The following MGAT4C variants were observed in gnomAD, a reference collection of about 807,000 sequenced individuals.
MGAT4C encodes alpha-1,3-mannosyl-glycoprotein 4-beta-N-acetylglucosaminyltransferase C.
A neutral mutation model predicts 40.1 loss-of-function variants in MGAT4C; 19 were observed. That is an observed-to-expected ratio of 0.47 (90% CI 0.33 to 0.70). MGAT4C has a LOEUF of 0.70. Among genes scored for constraint, MGAT4C ranks in the 30% least tolerant of loss-of-function variants. The probability of loss-of-function intolerance (pLI) is 0.02; values close to 1 mark genes in which losing one functional copy is unlikely to be tolerated. For synonymous variants in MGAT4C, 181 were observed against 187.1 expected, an observed-to-expected ratio of 0.97 and a Z score of 0.27; for missense variants, 491 against 563.2, an observed-to-expected ratio of 0.87 and a Z score of 1.30.
chr12:86,458,934 AT>A (rs11326103), intron 2 of MGAT4C, among the ~76,000 whole-genome samples: 128,054 of 151,202 alleles, frequency 0.85, 54,360 homozygotes, highest in East Asian at 1. Flanking sequence ...CAGTGACTTT[AT>A]TTTTTTTTTA....
At chr12:86,051,866 T>C (rs1452233884) in intron 1 of MGAT4C, among the ~76,000 whole-genome samples, 1 of 151,536 alleles carries the variant, frequency 6.6e-6, no homozygotes, top group Non-Finnish European at 1.5e-5. Flanking sequence ...GTTAAAATGG[T>C]TAGTTTTTTG....
intron 2 of MGAT4C, among the ~76,000 whole-genome samples, chr12:86,625,450 G>T (rs1962773973): frequency 6.6e-6 from 1 of 152,068 alleles, no homozygotes; most frequent in African/African-American, 2.4e-5. Flanking sequence ...AAAAATGTTG[G>T]ATTTGAAAAG....
chr12:86,552,469 T>C (rs918569096), intron 2 of MGAT4C, among the ~76,000 whole-genome samples: 5 of 152,086 alleles, frequency 3.3e-5, no homozygotes, highest in African/African-American at 1.2e-4. Context: ...CATTGTAGAT[T>C]GACTACAGTT....
At chr12:86,308,513 G>C (rs766476645) in intron 4 of MGAT4C, among the ~76,000 whole-genome samples, 1 of 149,722 alleles carries the variant, frequency 6.7e-6, no homozygotes, top group Non-Finnish European at 1.5e-5. Context: ...CTTCTGCAAA[G>C]GAAAAAAAAA....
intron 1 of MGAT4C, among the ~76,000 whole-genome samples, chr12:86,833,725 G>A (rs982450986): frequency 3.9e-5 from 6 of 151,948 alleles, no homozygotes; most frequent in South Asian, 2.1e-4. Flanking sequence ...TTAGGGAGAC[G>A]CAATTCAAAC....
At chr12:86,446,031 T>C (rs1957327975) in intron 2 of MGAT4C, among the ~76,000 whole-genome samples, 1 of 152,144 alleles carries the variant, frequency 6.6e-6, no homozygotes. Context: ...AATTTCTGAA[T>C]ATGTGTTATG....
At chr12:86,291,072 T>C (rs1953499920) in intron 4 of MGAT4C, among the ~76,000 whole-genome samples, 1 of 152,146 alleles carries the variant, frequency 6.6e-6, no homozygotes, top group South Asian at 2.1e-4. Flanking sequence ...TTCTGCCCAC[T>C]CAAGCTTGAT....
At chr12:86,351,347 T>C (rs957840337) in intron 3 of MGAT4C, among the ~76,000 whole-genome samples, 1 of 152,048 alleles carries the variant, frequency 6.6e-6, no homozygotes, top group Non-Finnish European at 1.5e-5. Context: ...GAGATATACA[T>C]ATATTTTGTC....
rs180795714 is a variant in MGAT4C, at chr12:85,963,177, T to C, written c.*16112A>G. The C allele has an allele frequency of 4.6e-5, 7 of 152,106 alleles. No individual in the cohort carries two copies. Among genetic ancestry groups the C allele is most frequent in the Middle Eastern group, 3.4e-3 (1 of 292 alleles). The allele number at this position is 152,106 out of a possible 1,614,324, so 9.4% of individuals were successfully genotyped here. The stretch of plus-strand genomic sequence containing the variant: ...TGCTTTAAATGTTTTTTGGAGGCTA[T>C]TACAAAATCACATCCTAAAATTTTA... On this transcript the variant is annotated 3_prime_UTR_variant, in exon 5 of 5. Transcript: ENST00000611864.
chr12:86,229,076 G>A (rs1228047856), intron 1 of MGAT4C, among the ~76,000 whole-genome samples: 1 of 151,726 alleles, frequency 6.6e-6, no homozygotes, highest in African/African-American at 2.4e-5. Context: ...ATAAATTAAT[G>A]ATCAATCTGA....
rs1887711262 is a variant in MGAT4C, at chr12:86,004,844, C to T, written c.-6-15292G>A. Reference sequence around the variant, plus strand: ...AGTTATTTTTCAGTTGCCATGGGTTCTGGGTTGCAATTTATGTAAACTGCT... The same window carrying T: ...AGTTATTTTTCAGTTGCCATGGGTTTTGGGTTGCAATTTATGTAAACTGCT... On this transcript the variant is annotated intron_variant, in intron 2 of 4. Coordinates refer to ENST00000611864, the MANE Select transcript of MGAT4C (RefSeq NM_001351288.2). Among the ~76,000 whole-genome samples, 3 of 152,092 alleles carry T rather than the reference C, an allele frequency of 2.0e-5. No homozygotes were observed. The South Asian group carries it at 6.2e-4, about 31-fold the overall frequency.
At chr12:86,528,782 C>T (rs1430882665) in intron 2 of MGAT4C, among the ~76,000 whole-genome samples, 1 of 151,208 alleles carries the variant, frequency 6.6e-6, no homozygotes, top group East Asian at 1.9e-4. Flanking sequence ...ATTTATTTTC[C>T]TTTCACTCCT....
At chr12:86,563,768 C>G (rs1035488827) in intron 2 of MGAT4C, among the ~76,000 whole-genome samples, 6 of 152,110 alleles carry the variant, frequency 3.9e-5, no homozygotes, top group Non-Finnish European at 5.9e-5. Context: ...TTGTGGTCCT[C>G]CAGTTAAAGT....
At chr12:86,595,463 G>C (rs1184104310) in intron 2 of MGAT4C, among the ~76,000 whole-genome samples, 1 of 151,688 alleles carries the variant, frequency 6.6e-6, no homozygotes, top group Non-Finnish European at 1.5e-5. Context: ...TCCGTGAGGC[G>C]GAGGTTGCAG....
At chr12:86,494,958 T>A (rs1053686385) in intron 2 of MGAT4C, among the ~76,000 whole-genome samples, 1 of 152,082 alleles carries the variant, frequency 6.6e-6, no homozygotes, top group Admixed American at 6.6e-5. Flanking sequence ...GGGAATATAA[T>A]GTATTTCTAA....
chr12:86,772,322 C>T lies in MGAT4C; in HGVS notation c.-261-45081G>A, dbSNP rs557506389. On this transcript the variant is annotated intron_variant, in intron 1 of 7. Coordinates refer to the MGAT4C transcript ENST00000548651. ...AGAATTCGATACATGCTGAAACACA[C>T]CCAGCTTGTACTGAAGAAAATAAAG... Among the ~76,000 whole-genome samples the T allele has an allele frequency of 2.6e-5, 4 of 152,238 alleles. No individual in the cohort carries two copies. The South Asian group carries it at 8.3e-4, about 32-fold the overall frequency.
intron 1 of MGAT4C, among the ~76,000 whole-genome samples, chr12:86,229,326 T>G (rs1016955581): frequency 6.6e-6 from 1 of 151,898 alleles, no homozygotes; most frequent in African/African-American, 2.4e-5. Flanking sequence ...ATCCAATGTC[T>G]TTTCTTTGTT....
intron 1 of MGAT4C, among the ~76,000 whole-genome samples, chr12:86,837,629 AT>A (rs1205751632): frequency 3.3e-5 from 5 of 151,968 alleles, no homozygotes; most frequent in Non-Finnish European, 7.4e-5. Context: ...TTTTATAGTC[AT>A]TTTTAACACA....
chr12:86,602,348 T>C (rs534863683), intron 2 of MGAT4C, among the ~76,000 whole-genome samples: 15 of 152,306 alleles, frequency 9.8e-5, no homozygotes, highest in Admixed American at 9.8e-4. Flanking sequence ...GTGGTACTTC[T>C]TGTTAAAGAA....
Sources: gnomAD v4.1 joint callset for allele counts (sites outside exome capture counted in the v4.1 genomes callset) on GRCh38, gnomAD v4.1.1 for gene constraint, MANE v1.5 for transcripts, NCBI Gene and HGNC (gene_info 2026-07-23, HGNC 2026-07-21) for gene names.